The following NRXN3 variants were observed in gnomAD, a reference collection of about 807,000 sequenced individuals.
NRXN3 encodes neurexin 3.
In NRXN3, 32 loss-of-function variants were observed where a neutral mutation model predicts 137.6. That is an observed-to-expected ratio of 0.23 (90% CI 0.18 to 0.31). NRXN3 has a LOEUF of 0.31. Ranked by LOEUF, NRXN3 falls within the 10% of genes least tolerant of loss-of-function variation. The probability of loss-of-function intolerance (pLI) is 1.00; values close to 1 mark genes in which losing one functional copy is unlikely to be tolerated. For synonymous variants in NRXN3, 798 were observed against 784.5 expected (o/e 1.02, Z -0.29); for missense variants, 1,574 against 2,062.5 (o/e 0.76, Z 4.59).
At chr14:79,165,369 G>C (rs1263655837) in intron 15 of NRXN3, among the ~76,000 whole-genome samples, 1 of 151,954 alleles carries the variant, frequency 6.6e-6, no homozygotes, top group Non-Finnish European at 1.5e-5. Context: ...GAGGTCTAGA[G>C]GTGTCATAAC....
At chr14:78,381,438 A>G (rs890412085) in intron 4 of NRXN3, among the ~76,000 whole-genome samples, 1 of 152,194 alleles carries the variant, frequency 6.6e-6, no homozygotes, top group Non-Finnish European at 1.5e-5. Context: ...CAACAGTAAA[A>G]AAGCTGTAGT....
chr14:79,535,421 T>G (rs2097202628), intron 16 of NRXN3, among the ~76,000 whole-genome samples: 2 of 152,184 alleles, frequency 1.3e-5, no homozygotes, highest in Non-Finnish European at 1.5e-5. Flanking sequence ...AAATTCATTA[T>G]TGAAACCTCC....
intron 10 of NRXN3, among the ~76,000 whole-genome samples, chr14:78,864,687 G>A (rs2099081942): frequency 6.6e-6 from 1 of 152,158 alleles, no homozygotes; most frequent in South Asian, 2.1e-4. Context: ...TGACATTGGA[G>A]CCTTTGAAGG....
intron 16 of NRXN3, among the ~76,000 whole-genome samples, chr14:79,485,581 A>G (rs1256372202): frequency 6.6e-6 from 1 of 151,730 alleles, no homozygotes; most frequent in Non-Finnish European, 1.5e-5. Flanking sequence ...CCTTTGTAGC[A>G]CTCCTTTTGT....
intron 16 of NRXN3, among the ~76,000 whole-genome samples, chr14:79,626,864 A>G (rs1310762027): frequency 2.0e-5 from 3 of 152,210 alleles, no homozygotes; most frequent in Non-Finnish European, 4.4e-5. Flanking sequence ...TTACATAGAA[A>G]TAAATAAAGA....
At chr14:79,401,669 G>T (rs983107974) in intron 15 of NRXN3, among the ~76,000 whole-genome samples, 2 of 151,990 alleles carry the variant, frequency 1.3e-5, no homozygotes, top group Non-Finnish European at 2.9e-5. Context: ...TTTGAGGGAG[G>T]TGTTGCTCTT....
At chr14:78,851,308 GA>G (rs2099041869) in intron 10 of NRXN3, among the ~76,000 whole-genome samples, 1 of 152,158 alleles carries the variant, frequency 6.6e-6, no homozygotes, top group Admixed American at 6.6e-5. Context: ...CCTCCCTGGT[GA>G]AATTCAAGAT....
intron 4 of NRXN3, among the ~76,000 whole-genome samples, chr14:78,620,295 T>A (rs983947846): frequency 6.6e-6 from 1 of 152,224 alleles, no homozygotes; most frequent in Non-Finnish European, 1.5e-5. Context: ...GGTGTCTCCC[T>A]GGCCCTTTAT....
At chr14:79,203,025 G>GATTTTGA (rs1213901741) in intron 15 of NRXN3, among the ~76,000 whole-genome samples, 2 of 152,038 alleles carry the variant, frequency 1.3e-5, no homozygotes, top group African/African-American at 4.8e-5. Flanking sequence ...AACATCTACT[G>GATTTTGA]TTTTTTGATT....
intron 1 of NRXN3, among the ~76,000 whole-genome samples, chr14:78,188,892 C>T (rs1314710701): frequency 6.6e-6 from 1 of 152,128 alleles, no homozygotes; most frequent in Non-Finnish European, 1.5e-5. Context: ...TGGCCTGGAC[C>T]TCTCGCCAGA....
At position 78,414,469 on chromosome 14, in the gene NRXN3, A is replaced by G. The variant is rs2093019995; in HGVS notation, c.757+116609A>G. Among the ~76,000 whole-genome samples, 3 of 152,328 alleles carry G rather than the reference A, an allele frequency of 2.0e-5. No individual in the cohort carries two copies. In the South Asian group the frequency reaches 6.2e-4, roughly 32 times the overall value. ...TTTTAGACGGGCAAGTTGGCTGCCA[A>G]AAATGTTTAGGCAATTCTGGTGGTG... is the stretch of plus-strand genomic sequence containing the variant. On this transcript the variant is annotated intron_variant, in intron 4 of 20. Coordinates refer to ENST00000335750, the MANE Select transcript of NRXN3 (RefSeq NM_001330195.2).
In NRXN3 at chr14:78,727,812, A is replaced by G. The variant is rs561141532; in HGVS notation, c.2044+12673A>G. On this transcript the variant is annotated intron_variant, in intron 8 of 20. Transcript: ENST00000335750. ...GTCTTATTCCTCAAAATAGTCCTAG[A>G]TTGAGTGTGTTAAGTCACATATCTC... Among the ~76,000 whole-genome samples, 8 of 152,298 alleles carry G rather than the reference A, an allele frequency of 5.3e-5. No individual in the cohort carries two copies. In the South Asian group the frequency reaches 1.7e-3, roughly 32 times the overall value.
At chr14:79,447,075 T>TTA (rs2096073736) in intron 15 of NRXN3, among the ~76,000 whole-genome samples, 1 of 152,174 alleles carries the variant, frequency 6.6e-6, no homozygotes. Flanking sequence ...CATCTTGGGA[T>TTA]TAAGTTCCAT....
At chr14:78,416,150 C>T (rs1464823206) in intron 4 of NRXN3, among the ~76,000 whole-genome samples, 2 of 152,150 alleles carry the variant, frequency 1.3e-5, no homozygotes, top group African/African-American at 4.8e-5. Context: ...GAGTGATTGG[C>T]AGCCATATTT....
At chr14:78,294,252 A>C (rs61976017) in intron 3 of NRXN3, among the ~76,000 whole-genome samples, 4,542 of 152,102 alleles carry the variant, frequency 0.03, 82 homozygotes, top group African/African-American at 0.047. Flanking sequence ...ATCAACAACA[A>C]CTGTTATAAA....
chr14:79,685,362 G>C (rs1382805464), intron 17 of NRXN3, among the ~76,000 whole-genome samples: 2 of 152,042 alleles, frequency 1.3e-5, no homozygotes, highest in African/African-American at 2.4e-5. Flanking sequence ...AAAGGAACAA[G>C]ACAAAATTCA....
chr14:79,253,216 T>C (rs537479022), intron 15 of NRXN3, among the ~76,000 whole-genome samples: 4 of 152,310 alleles, frequency 2.6e-5, no homozygotes, highest in African/African-American at 9.6e-5. Flanking sequence ...GTGTCTTTAC[T>C]GTTCTTCTGT....
At chr14:79,127,122 G>T (rs968122346) in intron 15 of NRXN3, among the ~76,000 whole-genome samples, 13 of 151,962 alleles carry the variant, frequency 8.6e-5, no homozygotes, top group South Asian at 6.2e-4. Flanking sequence ...CCATTTTGTG[G>T]GTTGCCCGTT....
chr14:79,437,362 G>A (rs373927413), intron 15 of NRXN3, among the ~76,000 whole-genome samples: 8 of 151,098 alleles, frequency 5.3e-5, no homozygotes, highest in South Asian at 2.1e-4. Flanking sequence ...TTTTTTCCCC[G>A]GGCTATTTTG....
Sources: gnomAD v4.1 joint callset for allele counts (sites outside exome capture counted in the v4.1 genomes callset) on GRCh38, gnomAD v4.1.1 for gene constraint, MANE v1.5 for transcripts, NCBI Gene and HGNC (gene_info 2026-07-23, HGNC 2026-07-21) for gene names.